COBLL1: variants seen among roughly 807,000 people sequenced by gnomAD.
COBLL1 encodes cordon-bleu protein-like 1.
In COBLL1, 50 loss-of-function variants were observed where a neutral mutation model predicts 94.8. The observed-to-expected ratio is 0.53, with a 90% CI of 0.42 to 0.67. The LOEUF is 0.67. Among genes scored for constraint, COBLL1 ranks in the 30% least tolerant of loss-of-function variants. COBLL1 has a pLI of 0.00. For synonymous variants in COBLL1, 448 were observed against 473.8 expected (o/e 0.95, Z 0.71); for missense variants, 1,362 against 1,348.7 (o/e 1.01, Z -0.15).
At chr2:164,831,013 C>A (rs541299310) in intron 2 of COBLL1, among the ~76,000 whole-genome samples, 1 of 152,178 alleles carries the variant, frequency 6.6e-6, no homozygotes, top group Non-Finnish European at 1.5e-5. Context: ...CATAGGATCA[C>A]AAGCATTTAA....
At chr2:164,688,924 A>G (rs902410224) in intron 13 of COBLL1, among the ~76,000 whole-genome samples, 5 of 152,130 alleles carry the variant, frequency 3.3e-5, no homozygotes, top group Non-Finnish European at 5.9e-5. Flanking sequence ...TTTTTAGTAA[A>G]TCAGAGACCA....
chr2:164,727,427 C>A (rs1011094268), intron 5 of COBLL1, among the ~76,000 whole-genome samples: 3 of 151,968 alleles, frequency 2.0e-5, no homozygotes, highest in East Asian at 1.9e-4. Flanking sequence ...TTTAATACAT[C>A]ATTTCTATAG....
Position 164,814,422 on chromosome 2 carries a change from A to G in COBLL1, c.41+26734T>C, listed in dbSNP as rs144378884. On this transcript the variant is annotated intron_variant, in intron 2 of 13. Transcript: ENST00000652658. ...TTTCTGCTAGGTGATCAATTAAGCA[A>G]TCTTCTCTGAGGAAGGCATTGGGTG... 3.4e-3 allele frequency among the ~76,000 whole-genome samples: 512 copies of G among 152,316 alleles called. 1 individual carries two copies. Among genetic ancestry groups the G allele is most frequent in the Admixed American group, 5.7e-3 (87 of 15,304 alleles).
intron 10 of COBLL1, among the ~76,000 whole-genome samples, chr2:164,700,226 A>G (rs1684177056): frequency 6.6e-6 from 1 of 152,184 alleles, no homozygotes; most frequent in Admixed American, 6.5e-5. Flanking sequence ...TAGGTCACAT[A>G]GGTTAACAGG....
intron 11 of COBLL1, chr2:164,698,159 A>G (rs1450873570): frequency 6.6e-6 from 1 of 152,040 alleles, no homozygotes; most frequent in Non-Finnish European, 1.5e-5. Context: ...CAACTTGACT[A>G]TTGTTTTAAA....
chr2:164,781,985 T>TTTTTTC (rs1431681504), intron 2 of COBLL1, among the ~76,000 whole-genome samples: 2 of 152,138 alleles, frequency 1.3e-5, no homozygotes, highest in African/African-American at 4.8e-5. Context: ...CTTTTAAGTG[T>TTTTTTC]TTTTTCTTTA....
Position 164,671,480 on chromosome 2 carries a change from A to G in COBLL1, n.127-5579T>C, listed in dbSNP as rs75996758. Among the ~76,000 whole-genome samples the G allele has an allele frequency of 2.9e-3, 438 of 152,258 alleles. 1 individual carries two copies. The highest frequency in any genetic ancestry group is 9.8e-3 in the African/African-American group (407 of 41,550). ...GACTCATAATATTACTTCAACTAGAACCACAATCCACAACAGACTTGCTAA... is the reference window on the plus strand; with the variant it reads ...GACTCATAATATTACTTCAACTAGAGCCACAATCCACAACAGACTTGCTAA... On this transcript the variant is annotated intron_variant and non_coding_transcript_variant, in intron 1 of 2. Transcript: ENST00000495084.
chr2:164,705,025 C>T lies in COBLL1; in HGVS notation c.1077G>A (p.Arg359=). The T allele has an allele frequency of 6.2e-7, 1 of 1,604,130 alleles. No homozygotes were observed. Among genetic ancestry groups the T allele is most frequent in the East Asian group, 2.3e-5 (1 of 44,172 alleles). ...GTGGGGAAGGTGCTTTTCGCTTTGTCCTTCTCAAAGATGAATTCCCTGCAG... is the reference window on the plus strand; with the variant it reads ...GTGGGGAAGGTGCTTTTCGCTTTGTTCTTCTCAAAGATGAATTCCCTGCAG... The part of the protein sequence containing the change: ...SMSAGNSSLR[R]TKRKAPSPPS... The change falls in exon 8 of 14, where the codon AGG becomes AGA. Residue 359 remains arginine (R), a synonymous_variant. Transcript: ENST00000652658.
At chr2:164,724,919 A>C (rs1685638391) in intron 5 of COBLL1, 1 of 151,848 alleles carries the variant, frequency 6.6e-6, no homozygotes, top group African/African-American at 2.4e-5. Flanking sequence ...AGCAGCATAC[A>C]TTCTGCACAA....
intron 2 of COBLL1, chr2:164,800,495 G>A: frequency 1.4e-6 from 1 of 699,088 alleles, no homozygotes; most frequent in Non-Finnish European, 2.6e-6. Flanking sequence ...AACTACTCTA[G>A]ACAATGGTCT....
chr2:164,762,841 C>T (rs931446055), intron 2 of COBLL1, among the ~76,000 whole-genome samples: 1 of 151,812 alleles, frequency 6.6e-6, no homozygotes, highest in Non-Finnish European at 1.5e-5. Context: ...GGACTACAGG[C>T]GCCTGGCACC....
intron 2 of COBLL1, among the ~76,000 whole-genome samples, chr2:164,787,034 G>A (rs1375770760): frequency 1.3e-5 from 2 of 152,052 alleles, no homozygotes; most frequent in Non-Finnish European, 2.9e-5. Flanking sequence ...CCATTCCTTC[G>A]CCCCCAAGGG....
At chr2:164,774,675 TC>T (rs1688375493) in intron 2 of COBLL1, among the ~76,000 whole-genome samples, 1 of 152,156 alleles carries the variant, frequency 6.6e-6, no homozygotes, top group Non-Finnish European at 1.5e-5. Flanking sequence ...GCCTTGACTG[TC>T]TCTTATACAG....
intron 2 of COBLL1, among the ~76,000 whole-genome samples, chr2:164,778,570 T>C (rs2105268849): frequency 6.6e-6 from 1 of 152,302 alleles, no homozygotes; most frequent in African/African-American, 2.4e-5. Context: ...GCCACTGCAC[T>C]CTAGCCTGGG....
intron 9 of COBLL1, among the ~76,000 whole-genome samples, chr2:164,702,708 T>C: frequency 6.6e-6 from 1 of 152,082 alleles, no homozygotes; most frequent in Non-Finnish European, 1.5e-5. Context: ...TTCAGTGGCA[T>C]GATCATAGCT....
In COBLL1 at chr2:164,685,863, G is replaced by A. The variant is rs988919774; in HGVS notation, c.*83C>T. The A allele has an allele frequency of 5.6e-6, 4 of 712,776 alleles. No homozygotes were observed. Among genetic ancestry groups the A allele is most frequent in the Admixed American group, 2.3e-5 (1 of 42,698 alleles). 44.2% of individuals were successfully genotyped at this position (712,776 alleles called of 1,614,324 possible). A position where few individuals can be genotyped will look rare whatever the true frequency, so the allele number is the denominator to read the frequency against. The stretch of plus-strand genomic sequence containing the variant: ...ATAGATAATATATTAGTGTACATCT[G>A]AATATACATTTGCCAAAATGTTCCA... On this transcript the variant is annotated 3_prime_UTR_variant, in exon 14 of 14. Transcript: ENST00000652658.
chr2:164,687,706 A>T, intron 13 of COBLL1: 1 of 695,054 alleles, frequency 1.4e-6, no homozygotes, highest in Admixed American at 1.9e-5. Flanking sequence ...CCACCAAGGA[A>T]GCTGCTGTTT....
intron 5 of COBLL1, 91 bp downstream of exon 5, chr2:164,727,878 G>T: frequency 2.5e-6 from 2 of 803,250 alleles, no homozygotes; most frequent in East Asian, 2.6e-5. Flanking sequence ...CTGCCATTAT[G>T]AACTTGAGAA....
intron 2 of COBLL1, among the ~76,000 whole-genome samples, chr2:164,756,062 AGAGAGAGAGAATGAGGGAGGGAGGGAGG>A (rs1339279663): frequency 7.0e-6 from 1 of 143,286 alleles, no homozygotes. Context: ...AGCATGAGAG[AGAGAGAGAGAATGAGGGAGGGAGGGAGG>A]GAGAGAGAGA....
Sources: gnomAD v4.1 joint callset for allele counts (sites outside exome capture counted in the v4.1 genomes callset) on GRCh38, gnomAD v4.1.1 for gene constraint, MANE v1.5 for transcripts, NCBI Gene and HGNC (gene_info 2026-07-23, HGNC 2026-07-21) for gene names.